Variants in THADA observed in about 807,000 individuals in gnomAD.
THADA encodes THADA armadillo repeat containing.
THADA carries 213 observed loss-of-function variants against 219.8 expected under a neutral mutation model. The observed-to-expected ratio is 0.97, with a 90% confidence interval of 0.87 to 1.09. The LOEUF is 1.09. Ranked by LOEUF, THADA falls within the 50% of genes least tolerant of loss-of-function variation. THADA has a pLI of 0.00. For missense variants in THADA, 2,956 were observed against 2,311.3 expected (o/e 1.28, Z -5.72); for synonymous variants, 1,018 against 828.9 (o/e 1.23, Z -3.92).
chr2:43,484,911 A>AT (rs903705113), intron 26 of THADA, among the ~76,000 whole-genome samples: 2 of 151,178 alleles, frequency 1.3e-5, no homozygotes, highest in African/African-American at 2.4e-5. Flanking sequence ...AAGTTAAGAC[A>AT]TTTCAGGACT....
At chr2:43,413,458 C>T (rs759457918) in intron 28 of THADA, among the ~76,000 whole-genome samples, 11 of 152,270 alleles carry the variant, frequency 7.2e-5, no homozygotes, top group Non-Finnish European at 1.0e-4. Context: ...AAATTTAATA[C>T]GGTCAAGAAA....
intron 31 of THADA, among the ~76,000 whole-genome samples, chr2:43,297,283 TGA>T (rs1255723796): frequency 3.0e-5 from 3 of 99,202 alleles, no homozygotes. Context: ...GTCTGAGAAG[TGA>T]GGAGACCCTC....
At chr2:43,475,053 G>C (rs768526039) in intron 26 of THADA, among the ~76,000 whole-genome samples, 2 of 152,168 alleles carry the variant, frequency 1.3e-5, no homozygotes, top group Non-Finnish European at 2.9e-5. Context: ...GACCTAAGTT[G>C]AGTTCAGAGA....
Position 43,447,874 on chromosome 2 carries a change from C to T in THADA, c.3837-17572G>A, listed in dbSNP as rs531303513. ...TACTTTGGACATACCAAAAACCACT[C>T]TGGTCTTTGCATATATCCCAATTTA... is the stretch of plus-strand genomic sequence containing the variant. On this transcript the variant is annotated intron_variant, in intron 26 of 37. Coordinates refer to ENST00000405975, the MANE Select transcript of THADA (RefSeq NM_022065.5). Among the ~76,000 whole-genome samples the T allele has an allele frequency of 2.0e-3, 312 of 152,306 alleles. 1 individual carries two copies. The highest frequency in any genetic ancestry group is 7.1e-3 in the African/African-American group (294 of 41,566).
intron 36 of THADA, among the ~76,000 whole-genome samples, chr2:43,258,707 A>C (rs944088292): frequency 2.6e-5 from 4 of 152,198 alleles, no homozygotes; most frequent in African/African-American, 9.6e-5. Context: ...GGGGAAATCA[A>C]GTTGAAGGTC....
At chr2:43,307,984 G>T (rs939042061) in intron 31 of THADA, among the ~76,000 whole-genome samples, 3 of 152,090 alleles carry the variant, frequency 2.0e-5, no homozygotes, top group African/African-American at 7.2e-5. Context: ...AGATATAGAA[G>T]ATATAAAAAG....
intron 25 of THADA, among the ~76,000 whole-genome samples, chr2:43,488,870 T>C (rs1687243250): frequency 6.6e-6 from 1 of 152,234 alleles, no homozygotes; most frequent in Admixed American, 6.5e-5. Context: ...CATTTTATTT[T>C]AGTGGGCATG....
At position 43,578,499 on chromosome 2, in the gene THADA, G is replaced by T; in HGVS notation, c.816+14C>A. The T allele has an allele frequency of 6.3e-7, 1 of 1,583,424 alleles. No homozygotes were observed. Among genetic ancestry groups the T allele is most frequent in the South Asian group, 1.1e-5 (1 of 89,784 alleles). Reference sequence around the variant, plus strand: ...TCTCAATAAAGTACAATTCTAAAAAGGAGATGCACTTACCAAATGAGGAAT... The same window carrying T: ...TCTCAATAAAGTACAATTCTAAAAATGAGATGCACTTACCAAATGAGGAAT... On this transcript the variant is annotated intron_variant, in intron 9 of 37. Coordinates refer to ENST00000405975, the MANE Select transcript of THADA (RefSeq NM_022065.5).
intron 36 of THADA, among the ~76,000 whole-genome samples, chr2:43,258,600 A>G (rs574184967): frequency 6.6e-6 from 1 of 152,230 alleles, no homozygotes; most frequent in South Asian, 2.1e-4. Context: ...TGGGTGTCCT[A>G]TATTTTTATT....
intron 36 of THADA, among the ~76,000 whole-genome samples, chr2:43,253,859 G>C (rs563914840): frequency 3.3e-5 from 5 of 152,274 alleles, no homozygotes; most frequent in African/African-American, 1.2e-4. Context: ...GTTCTCTGAT[G>C]TAAATGATAT....
intron 36 of THADA, among the ~76,000 whole-genome samples, chr2:43,247,059 T>C (rs184858731): frequency 2.9e-4 from 44 of 152,296 alleles, no homozygotes; most frequent in Admixed American, 2.6e-3. Context: ...AATTACCTGC[T>C]AAGAGGAGCA....
At chr2:43,512,246 G>A (rs77577831) in intron 22 of THADA, among the ~76,000 whole-genome samples, 2 of 152,198 alleles carry the variant, frequency 1.3e-5, no homozygotes, top group East Asian at 3.9e-4. Context: ...ATTCTGCTCT[G>A]GAATTCCCCA....
chr2:43,574,281 C>T lies in THADA; in HGVS notation c.1729+55G>A. 2.5e-6 allele frequency: 3 copies of T among 1,216,530 alleles called. No individual in the cohort carries two copies. The South Asian group carries it at 4.9e-5, about 20-fold the overall frequency. The allele number at this position is 1,216,530 out of a possible 1,614,324, so 75.4% of individuals were successfully genotyped here. On this transcript the variant is annotated intron_variant, in intron 11 of 37. Transcript: ENST00000405975. ...ATATGATTAGTATCTGCATAGCTAC[C>T]TACATTTAAGCATCATAATTAGAAA...
intron 28 of THADA, among the ~76,000 whole-genome samples, chr2:43,416,175 G>A (rs34175409): frequency 0.35 from 53,880 of 152,016 alleles, 10,302 homozygotes; most frequent in African/African-American, 0.48. Flanking sequence ...TAAACATTCA[G>A]GCAAGAAACA....
intron 22 of THADA, among the ~76,000 whole-genome samples, chr2:43,516,372 A>G (rs957049351): frequency 6.6e-6 from 1 of 152,114 alleles, no homozygotes; most frequent in Admixed American, 6.6e-5. Context: ...GATCTCATCT[A>G]CAACTCTTTC....
At chr2:43,359,171 C>A (rs148661957) in intron 29 of THADA, among the ~76,000 whole-genome samples, 1 of 152,290 alleles carries the variant, frequency 6.6e-6, no homozygotes, top group Non-Finnish European at 1.5e-5. Context: ...CCTCTGTAGC[C>A]CTTATTGATA....
chr2:43,381,582 T>A (rs1184536615), intron 29 of THADA, among the ~76,000 whole-genome samples: 1 of 150,962 alleles, frequency 6.6e-6, no homozygotes. Context: ...CAGTGATAAG[T>A]CTTTTTTTTT....
rs189844207 is a variant in THADA at position 43,535,136 on chromosome 2, T to A, written c.3264+6023A>T. 2.2e-3 allele frequency among the ~76,000 whole-genome samples: 333 copies of A among 151,790 alleles called. 1 individual carries two copies. The highest frequency in any genetic ancestry group is 0.01 in the Middle Eastern group (3 of 292). Reference sequence around the variant, plus strand: ...TTCATATATTTGTTCGTCATTTCTGTTTTTGAGAAATGTCTGTTCAGATCA... The same window carrying A: ...TTCATATATTTGTTCGTCATTTCTGATTTTGAGAAATGTCTGTTCAGATCA... On this transcript the variant is annotated intron_variant, in intron 21 of 37. Transcript: ENST00000405975.
At chr2:43,409,847 T>A (rs895728318) in intron 28 of THADA, among the ~76,000 whole-genome samples, 3 of 151,676 alleles carry the variant, frequency 2.0e-5, no homozygotes, top group African/African-American at 7.3e-5. Flanking sequence ...TGAGACCCTG[T>A]CTCTACAAAA....
Sources: gnomAD v4.1 joint callset for allele counts (sites outside exome capture counted in the v4.1 genomes callset) on GRCh38, gnomAD v4.1.1 for gene constraint, MANE v1.5 for transcripts, NCBI Gene and HGNC (gene_info 2026-07-23, HGNC 2026-07-21) for gene names.